The following PTK2B variants were observed in gnomAD, a reference collection of about 807,000 sequenced individuals.
The protein encoded by PTK2B is protein-tyrosine kinase 2-beta.
In PTK2B, 71 loss-of-function variants were observed where a neutral mutation model predicts 142.9. The ratio of observed to expected loss-of-function variants is 0.50; its 90% confidence interval spans 0.41 to 0.61. PTK2B has a LOEUF of 0.61. Ranked by LOEUF, PTK2B falls within the 20% of genes least tolerant of loss-of-function variation. The pLI is 0.00. For missense variants in PTK2B, 1,105 were observed against 1,320.4 expected (o/e 0.84, Z 2.53); for synonymous variants, 519 against 503.4 (o/e 1.03, Z -0.42).
rs7007145 is a variant in PTK2B, at chr8:27,454,618, G to A, written c.2814+7G>A. On this transcript the variant is annotated splice_region_variant and intron_variant, in intron 30 of 30. Coordinates refer to ENST00000346049, the MANE Select transcript of PTK2B (RefSeq NM_173176.3). Reference sequence around the variant, plus strand: ...GTCATCTTCACGGACAGAGGTGAGCGTCCCATTCCAGACAGCACCATAGGC... The same window carrying A: ...GTCATCTTCACGGACAGAGGTGAGCATCCCATTCCAGACAGCACCATAGGC... The A allele has an allele frequency of 0.41, 663,984 of 1,610,852 alleles. 141,228 individuals carry two copies. Among genetic ancestry groups the A allele is most frequent in the African/African-American group, 0.61 (45,341 of 74,900 alleles).
At chr8:27,418,497 T>G (rs1358943250) in intron 2 of PTK2B, among the ~76,000 whole-genome samples, 1 of 152,186 alleles carries the variant, frequency 6.6e-6, no homozygotes, top group East Asian at 1.9e-4. Flanking sequence ...GTTAAGAAAA[T>G]GTAAAATCTA....
upstream of PTK2B, chr8:27,311,397 G>A (rs35118662): frequency 0.43 from 408,251 of 939,162 alleles, 94,269 homozygotes; most frequent in Non-Finnish European, 0.48. Flanking sequence ...GGATGGCGAG[G>A]GGGAGGGAGG....
chr8:27,426,833 C>T (rs953411094), intron 5 of PTK2B, among the ~76,000 whole-genome samples: 1 of 152,206 alleles, frequency 6.6e-6, no homozygotes, highest in African/African-American at 2.4e-5. Flanking sequence ...CCACCTTGAT[C>T]ATGCTAAAAT....
Position 27,430,117 on chromosome 8 carries a change from C to T in PTK2B, c.576C>T (p.His192=). Residue 192 remains histidine, a synonymous_variant, in exon 6 of 31, where the codon CAC becomes CAT. Transcript: ENST00000346049. Reference sequence around the variant, plus strand: ...GGCGGTTCTTCAAGGATATGCCCCACAATGCACTTGACAAGAAGTCCAACT... The same window carrying T: ...GGCGGTTCTTCAAGGATATGCCCCATAATGCACTTGACAAGAAGTCCAACT... ...ELRRFFKDMP[H]NALDKKSNFE... is the part of the protein sequence containing the mutation. The T allele has an allele frequency of 6.2e-7, 1 of 1,614,016 alleles. No homozygotes were observed. The highest frequency in any genetic ancestry group is 1.7e-5 in the Admixed American group (1 of 60,024).
At chr8:27,380,074 T>C (rs1280912698) in intron 1 of PTK2B, among the ~76,000 whole-genome samples, 1 of 152,168 alleles carries the variant, frequency 6.6e-6, no homozygotes, top group Non-Finnish European at 1.5e-5. Context: ...TTGTTATTGT[T>C]GTTTATTATT....
intron 3 of PTK2B, among the ~76,000 whole-genome samples, chr8:27,315,476 C>A (rs1334051559): frequency 6.6e-6 from 1 of 152,034 alleles, no homozygotes; most frequent in Non-Finnish European, 1.5e-5. Context: ...TCCAGATAGC[C>A]CTCTCCCCTC....
chr8:27,370,839 C>T (rs74843616), intron 1 of PTK2B, among the ~76,000 whole-genome samples: 13 of 152,184 alleles, frequency 8.5e-5, no homozygotes, highest in Admixed American at 8.5e-4. Context: ...AGTGGGTTTC[C>T]TCTCTTGGTT....
Position 27,430,087 on chromosome 8 carries a change from C to G in PTK2B, c.552-6C>G. The G allele has an allele frequency of 6.2e-7, 1 of 1,612,982 alleles. No homozygotes were observed. Among genetic ancestry groups the G allele is most frequent in the Non-Finnish European group, 8.5e-7 (1 of 1,178,952 alleles). ...CAGCCTCCCTCTCCACCACCTATTT[C>G]TCCAGGCGGTTCTTCAAGGATATGC... On this transcript the variant is annotated splice_region_variant and splice_polypyrimidine_tract_variant and intron_variant, in intron 5 of 30. Coordinates refer to ENST00000346049, the MANE Select transcript of PTK2B (RefSeq NM_173176.3).
At chr8:27,385,109 C>T (rs533200703) in intron 1 of PTK2B, among the ~76,000 whole-genome samples, 26 of 152,302 alleles carry the variant, frequency 1.7e-4, no homozygotes, top group African/African-American at 5.8e-4. Context: ...TGCTCATCCT[C>T]GGAGACCTCA....
intron 1 of PTK2B, among the ~76,000 whole-genome samples, chr8:27,338,136 A>C (rs759157844): frequency 3.9e-5 from 6 of 152,112 alleles, no homozygotes; most frequent in Non-Finnish European, 5.9e-5. Context: ...ACATCTTTTC[A>C]TGTTCTTGTT....
At chr8:27,316,185 AT>A (rs1004123631) in intron 3 of PTK2B, among the ~76,000 whole-genome samples, 2 of 152,190 alleles carry the variant, frequency 1.3e-5, no homozygotes, top group East Asian at 1.9e-4. Flanking sequence ...GCACTGCCAG[AT>A]TTCCAAACCC....
intron 27 of PTK2B, 130 bp downstream of exon 27, chr8:27,451,639 A>G: frequency 6.5e-7 from 1 of 1,533,336 alleles, no homozygotes; most frequent in East Asian, 2.4e-5. Flanking sequence ...GCCATGATTT[A>G]ATTCAGAGCA....
intron 1 of PTK2B, among the ~76,000 whole-genome samples, chr8:27,382,349 A>G (rs999688295): frequency 6.6e-5 from 10 of 152,208 alleles, no homozygotes; most frequent in African/African-American, 2.2e-4. Context: ...TGTATCCTGG[A>G]TATCAGTCCC....
At chr8:27,414,141 T>A (rs1425542353) in intron 2 of PTK2B, among the ~76,000 whole-genome samples, 1 of 152,208 alleles carries the variant, frequency 6.6e-6, no homozygotes, top group Non-Finnish European at 1.5e-5. Flanking sequence ...CCCCTAGCCC[T>A]GGAATCAGCC....
At chr8:27,336,872 G>C (rs547633194) in intron 1 of PTK2B, among the ~76,000 whole-genome samples, 50 of 152,176 alleles carry the variant, frequency 3.3e-4, no homozygotes, top group Non-Finnish European at 6.8e-4. Flanking sequence ...GTCTCTCTCT[G>C]TCACCCAGGC....
chr8:27,430,920 C>G lies in PTK2B; in HGVS notation c.714C>G (p.Tyr238Ter). The G allele has an allele frequency of 6.2e-7, 1 of 1,614,200 alleles. No individual in the cohort carries two copies. The highest frequency in any genetic ancestry group is 8.5e-7 in the Non-Finnish European group (1 of 1,180,042). ...TGATCCAGCAGACCTTCCAGCAGTA[C>G]GCCTCGCTCAGGGAGGAGGAGTGCG... The part of the protein sequence containing the change: ...RKMIQQTFQQ[Y>*]ASLREEECVM... The change falls in exon 8 of 31, where the codon TAC becomes TAG. Residue 238 changes from tyrosine to a stop codon, truncating the protein, a stop_gained. Transcript: ENST00000346049. LOFTEE classifies it high-confidence loss of function.
chr8:27,431,233 G>A (rs1473162402), intron 8 of PTK2B, 165 bp from the exon 9 acceptor site: 20 of 1,506,302 alleles, frequency 1.3e-5, no homozygotes, highest in Non-Finnish European at 1.7e-5. Flanking sequence ...GGCAGGACAG[G>A]CAAGGTGTCA....
In PTK2B at chr8:27,441,810, G is replaced by C. The variant is rs138619245; in HGVS notation, c.2040-1065G>C. ...GGAGGTTAAAAGCCCTGGGGGGATG[G>C]AGCTGGGAGTCCTGATTCACTCTGA... On this transcript the variant is annotated intron_variant, in intron 21 of 30. Coordinates refer to ENST00000346049, the MANE Select transcript of PTK2B (RefSeq NM_173176.3). Among the ~76,000 whole-genome samples the C allele has an allele frequency of 2.3e-3, 344 of 152,314 alleles. 1 individual carries two copies. Among genetic ancestry groups the C allele is most frequent in the African/African-American group, 7.8e-3 (326 of 41,570 alleles).
At chr8:27,319,104 A>G (rs1803151559) in intron 3 of PTK2B, among the ~76,000 whole-genome samples, 1 of 152,032 alleles carries the variant, frequency 6.6e-6, no homozygotes, top group Non-Finnish European at 1.5e-5. Flanking sequence ...GCCCTTTTTT[A>G]TCCTCTGTGG....
Sources: allele counts gnomAD v4.1 joint callset (sites outside exome capture counted in the v4.1 genomes callset), GRCh38; gene constraint gnomAD v4.1.1; transcripts MANE v1.5; gene names NCBI Gene and HGNC (gene_info 2026-07-23, HGNC 2026-07-21).